The following TMEM116 variants were observed in gnomAD, a reference collection of about 807,000 sequenced individuals.
TMEM116 encodes transmembrane protein 116.
Under a neutral mutation model 44.3 loss-of-function variants are expected in TMEM116, and 38 were observed. That is an observed-to-expected ratio of 0.86 (90% CI 0.66 to 1.12). TMEM116 has a LOEUF of 1.12. TMEM116 is among the 50% of genes most tolerant of loss of function. The pLI, the probability that TMEM116 is intolerant of heterozygous loss-of-function variation, is 0.00. For missense variants in TMEM116, 354 were observed against 401.7 expected, an observed-to-expected ratio of 0.88 and a Z score of 1.01; for synonymous variants, 132 against 144.8, an observed-to-expected ratio of 0.91 and a Z score of 0.64.
In TMEM116 at chr12:111,957,239, C is replaced by T. The variant is rs537180726; in HGVS notation, c.211-13870G>A. Among the ~76,000 whole-genome samples, 187 of 151,890 alleles carry T rather than the reference C, an allele frequency of 1.2e-3. 3 individuals carry two copies. In the South Asian group the frequency reaches 0.025, roughly 21 times the overall value. ...GATGTGGGGAGCACCTCTGCCCCGC[C>T]GCCCCATCTGAGATGTGAAGAGTGC... On this transcript the variant is annotated intron_variant, in intron 4 of 10. Transcript: ENST00000552374.
chr12:111,938,161 C>T lies in TMEM116; in HGVS notation c.365G>A (p.Ser122Asn). 6.3e-7 allele frequency: 1 copy of T among 1,594,110 alleles called. No homozygotes were observed. Among genetic ancestry groups the T allele is most frequent in the Non-Finnish European group, 8.5e-7 (1 of 1,170,824 alleles). ...RVCQMAFVFSSLIPLLLMTPV... is the reference protein window; with the variant it reads ...RVCQMAFVFSNLIPLLLMTPV... ...CTAAGAAGTAAAGAAAAAATTTTAC[C>T]TTGAGAAAACAAAGGCCATTTGACA... Residue 122 changes from serine to asparagine, a missense_variant and splice_region_variant, in exon 6 of 11, where the codon AGC (serine) becomes AAC (asparagine). Physicochemically the swap from Ser to Asn is conservative, Grantham distance 46. Transcript: ENST00000552374.
chr12:111,977,703 G>A (rs566490919), intron 4 of TMEM116, among the ~76,000 whole-genome samples: 1 of 152,130 alleles, frequency 6.6e-6, no homozygotes, highest in Admixed American at 6.5e-5. Context: ...TAGAAAAAAT[G>A]TATTGAGTGA....
intron 4 of TMEM116, among the ~76,000 whole-genome samples, chr12:111,980,280 T>C (rs1261617934): frequency 1.3e-5 from 2 of 152,170 alleles, no homozygotes; most frequent in Non-Finnish European, 2.9e-5. Flanking sequence ...TGGAAGAACC[T>C]TAAATACATA....
At position 112,004,315 on chromosome 12, in the gene TMEM116, CCTT is replaced by C. The variant is rs1199987731; in HGVS notation, c.15-455_15-453del. Reference sequence around the variant, plus strand: ...TTTTTTTTTTTTAGAGGCAGGGTCTCCTTCTGTCACCCAGGCTAGAGTACAGTC... The same window carrying C: ...TTTTTTTTTTTTAGAGGCAGGGTCTCCTGTCACCCAGGCTAGAGTACAGTC... On this transcript the variant is annotated intron_variant, in intron 2 of 10. Transcript: ENST00000552374. 3.3e-5 allele frequency among the ~76,000 whole-genome samples: 5 copies of C among 151,468 alleles called. 1 individual carries two copies. Among genetic ancestry groups the C allele is most frequent in the African/African-American group, 7.3e-5 (3 of 41,218 alleles).
intron 4 of TMEM116, among the ~76,000 whole-genome samples, chr12:111,984,429 T>A (rs1327106917): frequency 1.3e-5 from 2 of 152,018 alleles, no homozygotes; most frequent in East Asian, 3.8e-4. Context: ...GGAGGGGTAG[T>A]GGAAAAGTAG....
chr12:112,002,820 T>C (rs535482663), intron 3 of TMEM116, among the ~76,000 whole-genome samples: 7 of 152,262 alleles, frequency 4.6e-5, no homozygotes, highest in Non-Finnish European at 7.4e-5. Context: ...TAAAACCCAA[T>C]GGCATTTTCC....
intron 7 of TMEM116, 133 bp downstream of exon 7, chr12:111,937,027 C>G (rs920767383): frequency 9.9e-7 from 1 of 1,007,488 alleles, no homozygotes; most frequent in African/African-American, 1.6e-5. Context: ...GCCTTTACTA[C>G]ATCTTGTTCC....
chr12:111,967,851 A>T (rs995316214), intron 4 of TMEM116, among the ~76,000 whole-genome samples: 1 of 152,252 alleles, frequency 6.6e-6, no homozygotes, highest in Non-Finnish European at 1.5e-5. Context: ...GACACCAGAC[A>T]TCAGACAACA....
intron 1 of TMEM116, chr12:112,005,693 AAAGG>A: frequency 2.0e-6 from 2 of 985,574 alleles, no homozygotes; most frequent in African/African-American, 3.5e-5. Context: ...AAAACTAATA[AAAGG>A]AAGAACAAAA....
intron 4 of TMEM116, among the ~76,000 whole-genome samples, chr12:111,974,503 C>A (rs1188969497): frequency 1.3e-5 from 2 of 151,620 alleles, no homozygotes; most frequent in Non-Finnish European, 2.9e-5. Context: ...TACAAAAAAA[C>A]AAAAATTAGC....
intron 1 of TMEM116, chr12:112,011,935 A>G (rs1216802118): frequency 6.6e-6 from 1 of 152,226 alleles, no homozygotes; most frequent in Admixed American, 6.6e-5. Context: ...GTTTCTACAC[A>G]CAAATCTAAC....
At chr12:111,959,443 G>T (rs1021853522) in intron 4 of TMEM116, among the ~76,000 whole-genome samples, 1 of 152,130 alleles carries the variant, frequency 6.6e-6, no homozygotes, top group African/African-American at 2.4e-5. Flanking sequence ...TTCAACTAAT[G>T]GGTAAAATAA....
chr12:111,976,641 T>G (rs1486563489), intron 4 of TMEM116, among the ~76,000 whole-genome samples: 2 of 152,100 alleles, frequency 1.3e-5, no homozygotes, highest in Non-Finnish European at 2.9e-5. Context: ...ATTAGACCAG[T>G]TTCAGCTATG....
chr12:111,998,149 C>T (rs1389145793), intron 3 of TMEM116, among the ~76,000 whole-genome samples: 1 of 152,148 alleles, frequency 6.6e-6, no homozygotes, highest in Non-Finnish European at 1.5e-5. Context: ...GGAAATAGTA[C>T]ATGTTGTTTT....
chr12:111,947,161 G>A (rs1593326194), intron 4 of TMEM116, among the ~76,000 whole-genome samples: 1 of 146,954 alleles, frequency 6.8e-6, no homozygotes, highest in Non-Finnish European at 1.5e-5. Flanking sequence ...TTCTGTACTT[G>A]CTTTTAAAGA....
intron 4 of TMEM116, among the ~76,000 whole-genome samples, chr12:111,983,598 A>G (rs1398429934): frequency 1.5e-4 from 23 of 152,098 alleles, no homozygotes; most frequent in Non-Finnish European, 2.8e-4. Flanking sequence ...CCCTGTCTCA[A>G]ACAATAATAA....
At chr12:112,004,957 T>C (rs2077498947) in intron 2 of TMEM116, among the ~76,000 whole-genome samples, 1 of 152,182 alleles carries the variant, frequency 6.6e-6, no homozygotes. Flanking sequence ...AATTTTCTCT[T>C]TGTCATTCCA....
intron 3 of TMEM116, chr12:111,993,751 A>C (rs1186471012): frequency 1.4e-6 from 1 of 691,864 alleles, no homozygotes; most frequent in Non-Finnish European, 2.8e-6. Context: ...TGAATGTTCA[A>C]AGACAGAGGA....
At chr12:112,002,137 G>A (rs998454987) in intron 3 of TMEM116, among the ~76,000 whole-genome samples, 4 of 152,246 alleles carry the variant, frequency 2.6e-5, no homozygotes, top group South Asian at 2.1e-4. Flanking sequence ...AGTTTGGAGA[G>A]CAATTATAAT....
Sources: gnomAD v4.1 joint callset for allele counts (sites outside exome capture counted in the v4.1 genomes callset) on GRCh38, gnomAD v4.1.1 for gene constraint, MANE v1.5 for transcripts, NCBI Gene and HGNC (gene_info 2026-07-23, HGNC 2026-07-21) for gene names.